Variants in FAT3 observed in about 807,000 individuals in gnomAD.
FAT3 encodes FAT atypical cadherin 3.
Under a neutral mutation model 310.2 loss-of-function variants are expected in FAT3, and 95 were observed. The observed-to-expected ratio is 0.31, with a 90% CI of 0.26 to 0.36. The LOEUF (loss-of-function observed/expected upper bound fraction) is 0.36. FAT3 is among the 10% of genes least tolerant of loss of function. The pLI is 1.00. For missense variants in FAT3, 5,408 were observed against 5,715.6 expected (o/e 0.95, Z 1.74); for synonymous variants, 2,314 against 2,192.9 (o/e 1.06, Z -1.54).
intron 14 of FAT3, among the ~76,000 whole-genome samples, chr11:92,834,316 T>G (rs974975234): frequency 2.0e-5 from 3 of 152,256 alleles, no homozygotes; most frequent in Non-Finnish European, 4.4e-5. Flanking sequence ...CCTTTTCTAT[T>G]CTGTCACTAT....
At chr11:92,382,549 A>G (rs1949519873) in intron 2 of FAT3, among the ~76,000 whole-genome samples, 1 of 152,140 alleles carries the variant, frequency 6.6e-6, no homozygotes, top group Non-Finnish European at 1.5e-5. Context: ...GATCTGGAAC[A>G]TTCCTCCATC....
intron 24 of FAT3, among the ~76,000 whole-genome samples, chr11:92,884,995 A>C (rs1949765319): frequency 6.6e-6 from 1 of 152,176 alleles, no homozygotes; most frequent in Admixed American, 6.5e-5. Context: ...AAGAGGAGGG[A>C]AAAGGAGAGG....
chr11:92,819,856 A>G (rs112938137), intron 13 of FAT3, among the ~76,000 whole-genome samples: 8 of 152,202 alleles, frequency 5.3e-5, no homozygotes, highest in Non-Finnish European at 7.3e-5. Flanking sequence ...TGTTGCCTAC[A>G]TTTATTGTAG....
chr11:92,363,562 G>A (rs1025974097), intron 2 of FAT3, among the ~76,000 whole-genome samples: 3 of 152,206 alleles, frequency 2.0e-5, no homozygotes, highest in Admixed American at 1.3e-4. Flanking sequence ...GAATAAGACA[G>A]ATGTTATTTG....
intron 3 of FAT3, among the ~76,000 whole-genome samples, chr11:92,609,527 T>G (rs1940465063): frequency 6.6e-6 from 1 of 152,228 alleles, no homozygotes; most frequent in African/African-American, 2.4e-5. Flanking sequence ...GAAAAACAAG[T>G]ATACCAAAAG....
At chr11:92,644,686 A>C (rs1942086042) in intron 3 of FAT3, among the ~76,000 whole-genome samples, 1 of 152,256 alleles carries the variant, frequency 6.6e-6, no homozygotes, top group South Asian at 2.1e-4. Context: ...AGGCCAAAAA[A>C]CCCATAAAGA....
At chr11:92,242,199 A>G (rs944264572) in intron 1 of FAT3, among the ~76,000 whole-genome samples, 5 of 152,128 alleles carry the variant, frequency 3.3e-5, no homozygotes, top group African/African-American at 7.2e-5. Flanking sequence ...GGATTAAGGT[A>G]TCGAATCAAA....
chr11:92,235,943 C>T (rs536472597), intron 1 of FAT3, among the ~76,000 whole-genome samples: 1 of 152,216 alleles, frequency 6.6e-6, no homozygotes, highest in East Asian at 1.9e-4. Flanking sequence ...ATTTGCATGG[C>T]GTTTGATGTT....
rs1949813303 is a variant in FAT3, at chr11:92,394,340, C to T, written c.3292+38936C>T. ...AAAAACAATTAGCTGAGGGTGGTGG[C>T]ATGCACCTGTAGGTGGAAGGATTGC... On this transcript the variant is annotated intron_variant, in intron 2 of 27. Transcript: ENST00000525166. 2.0e-5 allele frequency among the ~76,000 whole-genome samples: 3 copies of T among 151,946 alleles called. No homozygotes were observed. The South Asian group carries it at 6.2e-4, about 32-fold the overall frequency.
intron 3 of FAT3, among the ~76,000 whole-genome samples, chr11:92,573,589 A>G (rs570824070): frequency 6.6e-6 from 1 of 152,214 alleles, no homozygotes; most frequent in Non-Finnish European, 1.5e-5. Flanking sequence ...GATGGGTTGT[A>G]AATCTAATGA....
intron 2 of FAT3, among the ~76,000 whole-genome samples, chr11:92,449,841 A>G (rs1283173075): frequency 6.6e-6 from 1 of 152,160 alleles, no homozygotes; most frequent in Non-Finnish European, 1.5e-5. Context: ...TCCAAGAACA[A>G]TAGGTGGGTA....
At chr11:92,480,147 C>T (rs932524743) in intron 2 of FAT3, among the ~76,000 whole-genome samples, 11 of 152,082 alleles carry the variant, frequency 7.2e-5, no homozygotes, top group Non-Finnish European at 1.3e-4. Flanking sequence ...CGCCTGTAGT[C>T]CCAGCTACTC....
intron 3 of FAT3, among the ~76,000 whole-genome samples, chr11:92,696,836 A>C (rs549692568): frequency 6.6e-6 from 1 of 152,142 alleles, no homozygotes; most frequent in East Asian, 1.9e-4. Flanking sequence ...AACACATAAA[A>C]CAAAATGATA....
intron 3 of FAT3, among the ~76,000 whole-genome samples, chr11:92,684,528 C>T (rs1332896412): frequency 1.3e-5 from 2 of 152,166 alleles, no homozygotes; most frequent in Non-Finnish European, 2.9e-5. Context: ...CCTTCTTCCA[C>T]TTCTACCAAG....
chr11:92,858,028 T>C (rs1258142400), intron 20 of FAT3, among the ~76,000 whole-genome samples: 1 of 152,230 alleles, frequency 6.6e-6, no homozygotes, highest in African/African-American at 2.4e-5. Context: ...ACCAATAGAA[T>C]CCTCTTTAGG....
At chr11:92,498,128 A>G (rs1300496646) in intron 2 of FAT3, 1 of 153,714 alleles carries the variant, frequency 6.5e-6, no homozygotes, top group Non-Finnish European at 1.4e-5. Flanking sequence ...ATCTACCACT[A>G]TTAAAAGTCT....
intron 3 of FAT3, among the ~76,000 whole-genome samples, chr11:92,694,774 C>G (rs1943891794): frequency 6.6e-6 from 1 of 152,108 alleles, no homozygotes. Flanking sequence ...CATTTATAGC[C>G]TCAATATAAC....
At chr11:92,742,199 G>A (rs954400456) in intron 4 of FAT3, among the ~76,000 whole-genome samples, 2 of 152,208 alleles carry the variant, frequency 1.3e-5, no homozygotes, top group Non-Finnish European at 2.9e-5. Context: ...GGACGTGTTA[G>A]CATCTGAACA....
Position 92,800,270 on chromosome 11 carries a change from T to C in FAT3, c.7257T>C (p.Ser2419=), listed in dbSNP as rs200866620. The C allele has an allele frequency of 3.1e-6, 5 of 1,613,852 alleles. No individual in the cohort carries two copies. Among genetic ancestry groups the C allele is most frequent in the Non-Finnish European group, 4.2e-6 (5 of 1,179,836 alleles). Residue 2419 remains serine, a synonymous_variant, in exon 10 of 28, where the codon TCT becomes TCC. Transcript: ENST00000525166. ...RGHFVTCVQA[S]DADSSDFDRL... is the part of the protein sequence containing the mutation. Reference sequence around the variant, plus strand: ...ATTTTGTAACCTGTGTACAAGCCTCTGATGCAGACAGCTCTGATTTTGACC... The same window carrying C: ...ATTTTGTAACCTGTGTACAAGCCTCCGATGCAGACAGCTCTGATTTTGACC...
Sources: allele counts gnomAD v4.1 joint callset (sites outside exome capture counted in the v4.1 genomes callset), GRCh38; gene constraint gnomAD v4.1.1; transcripts MANE v1.5; gene names NCBI Gene and HGNC (gene_info 2026-07-23, HGNC 2026-07-21).